The following ALMS1 variants were observed in gnomAD, a reference collection of about 807,000 sequenced individuals.
ALMS1 encodes the protein ALMS1 centrosome and basal body associated protein, also known as centrosome-associated protein ALMS1.
ALMS1 carries 271 observed loss-of-function variants against 352.2 expected under a neutral mutation model. That is an observed-to-expected ratio of 0.77 (90% CI 0.70 to 0.85). ALMS1 has a LOEUF of 0.85. Among genes scored for constraint, ALMS1 ranks in the 40% least tolerant of loss-of-function variants. The pLI is 0.00. For synonymous variants in ALMS1, 1,865 were observed against 1,761.2 expected (o/e 1.06, Z -1.48); for missense variants, 5,445 against 4,870.7 (o/e 1.12, Z -3.51).
chr2:73,504,864 A>C (rs148288798), intron 10 of ALMS1, among the ~76,000 whole-genome samples: 1 of 151,994 alleles, frequency 6.6e-6, no homozygotes, highest in East Asian at 1.9e-4. Flanking sequence ...ATTTCTCCTA[A>C]TGTTATCTCT....
Position 73,411,388 on chromosome 2 carries a change from C to T in ALMS1, c.450+2641C>T, listed in dbSNP as rs117867202. On this transcript the variant is annotated intron_variant, in intron 2 of 22. Transcript: ENST00000613296. ...TTCAGACTTCTGGCCTCCAGAACTGCGAGATAATAAATTTCTGTTGTTTTA... is the reference window on the plus strand; with the variant it reads ...TTCAGACTTCTGGCCTCCAGAACTGTGAGATAATAAATTTCTGTTGTTTTA... Among the ~76,000 whole-genome samples, 504 of 152,086 alleles carry T rather than the reference C, an allele frequency of 3.3e-3. 25 individuals carry two copies. In the East Asian group the frequency reaches 0.081, roughly 24 times the overall value.
At chr2:73,529,382 A>G (rs1264504008) in intron 11 of ALMS1, among the ~76,000 whole-genome samples, 1 of 152,194 alleles carries the variant, frequency 6.6e-6, no homozygotes, top group Non-Finnish European at 1.5e-5. Context: ...GAAAGGTTCC[A>G]CATCTCTGTT....
chr2:73,493,458 C>T (rs189008300), intron 10 of ALMS1, among the ~76,000 whole-genome samples: 1 of 151,844 alleles, frequency 6.6e-6, no homozygotes, highest in Admixed American at 6.6e-5. Flanking sequence ...TGCGGTGGCT[C>T]ACACCTGTAA....
chr2:73,545,980 G>A (rs1175059773), intron 12 of ALMS1, among the ~76,000 whole-genome samples: 1 of 152,084 alleles, frequency 6.6e-6, no homozygotes, highest in Non-Finnish European at 1.5e-5. Flanking sequence ...TGTCTTTTTG[G>A]TACAATATCA....
At chr2:73,552,973 A>G (rs975197401) in intron 13 of ALMS1, among the ~76,000 whole-genome samples, 5 of 152,210 alleles carry the variant, frequency 3.3e-5, no homozygotes, top group African/African-American at 1.2e-4. Context: ...TGTAAAGACA[A>G]TAGAGAAGGC....
intron 10 of ALMS1, among the ~76,000 whole-genome samples, chr2:73,516,657 A>C (rs1326232922): frequency 6.6e-6 from 1 of 152,230 alleles, no homozygotes; most frequent in African/African-American, 2.4e-5. Context: ...CTTTGCCCTC[A>C]CAACTTTAGA....
intron 10 of ALMS1, among the ~76,000 whole-genome samples, chr2:73,506,181 G>C (rs780287671): frequency 6.6e-6 from 1 of 152,118 alleles, no homozygotes; most frequent in Non-Finnish European, 1.5e-5. Context: ...TGCTGTTTTG[G>C]TTCCCGTAGC....
At chr2:73,502,289 T>C (rs146148320) in intron 10 of ALMS1, among the ~76,000 whole-genome samples, 15 of 152,262 alleles carry the variant, frequency 9.9e-5, no homozygotes, top group African/African-American at 3.4e-4. Context: ...CAAGAGTTTC[T>C]TCTTTAAATT....
At position 73,534,830 on chromosome 2, in the gene ALMS1, CT is replaced by C. The variant is rs1426356411; in HGVS notation, c.9791del (p.Leu3264TyrfsTer19). The C allele has an allele frequency of 6.2e-7, 1 of 1,613,306 alleles. No individual in the cohort carries two copies. The highest frequency in any genetic ancestry group is 8.5e-7 in the Non-Finnish European group (1 of 1,179,518). On this transcript the variant is annotated frameshift_variant, in exon 12 of 23. Transcript: ENST00000613296. LOFTEE classifies it high-confidence loss of function. ...CTGATTTTTACCTCCTTAGGCCAGC[CT>C]TTATTATTGCCATATAAGCCTTCTG... ...VTFSRGTDGQ[P>X]LLLPYKPSGS... is the part of the protein sequence containing the mutation.
rs766326705 is a variant in ALMS1, at chr2:73,452,018, T to G, written c.5491T>G (p.Leu1831Val). 1.9e-5 allele frequency: 31 copies of G among 1,613,690 alleles called. No individual in the cohort carries two copies. Among genetic ancestry groups the G allele is most frequent in the Non-Finnish European group, 2.6e-5 (31 of 1,179,782 alleles). ...TTTTACTGAAGCAGGTTTGAAAATT[T>G]TAAGAGTTCCTGGACCAGCTGACCA... The part of the protein sequence containing the change: ...PHFTEAGLKI[L>V]RVPGPADQKT... Residue 1831 changes from leucine to valine, a missense_variant, in exon 8 of 23, where the codon TTA becomes GTA. Physicochemically the swap from Leu to Val is conservative, Grantham distance 32 (BLOSUM62 1). Transcript: ENST00000613296.
At chr2:73,602,088 C>G in intron 19 of ALMS1, 97 bp from the exon 20 acceptor site, 1 of 1,302,754 alleles carries the variant, frequency 7.7e-7, no homozygotes, top group Non-Finnish European at 1.1e-6. Context: ...CAGACTTCCC[C>G]AAACCTCTTG....
At chr2:73,585,861 C>T (rs10170786) in intron 16 of ALMS1, among the ~76,000 whole-genome samples, 57,340 of 148,488 alleles carry the variant, frequency 0.39, 14,934 homozygotes, top group African/African-American at 0.74. Context: ...CTGGAGTAGC[C>T]GGGATTACAG....
At chr2:73,390,705 T>C (rs1005854946) in intron 1 of ALMS1, among the ~76,000 whole-genome samples, 2 of 152,162 alleles carry the variant, frequency 1.3e-5, no homozygotes, top group African/African-American at 2.4e-5. Context: ...TTCTCTGGGT[T>C]GGCATCACTA....
chr2:73,605,394 C>G (rs1363820639), intron 21 of ALMS1, among the ~76,000 whole-genome samples: 1 of 152,178 alleles, frequency 6.6e-6, no homozygotes, highest in African/African-American at 2.4e-5. Flanking sequence ...CTCCCTGGAC[C>G]AGGATTTTCC....
chr2:73,563,363 C>G (rs1214867015), intron 15 of ALMS1, among the ~76,000 whole-genome samples: 1 of 152,038 alleles, frequency 6.6e-6, no homozygotes, highest in East Asian at 1.9e-4. Context: ...AATAACTTAG[C>G]ATAAAAAATT....
Position 73,451,230 on chromosome 2 carries a change from C to A in ALMS1, c.4703C>A (p.Ser1568Tyr), listed in dbSNP as rs759841781. ...ACAACTGGCATACCAACCATAACCTCTACTTCCTACTCATTTGGAGAGAAG... is the reference window on the plus strand; with the variant it reads ...ACAACTGGCATACCAACCATAACCTATACTTCCTACTCATTTGGAGAGAAG... ...DQTTGIPTIT[S>Y]TSYSFGEKPI... Residue 1568 changes from serine to tyrosine, a missense_variant, in exon 8 of 23, where the codon TCT becomes TAT. Physicochemically the swap from Ser to Tyr is moderately radical, Grantham distance 144. Coordinates refer to ENST00000613296, the MANE Select transcript of ALMS1 (RefSeq NM_001378454.1). 1 of 1,613,992 alleles carries A rather than the reference C, an allele frequency of 6.2e-7. No individual in the cohort carries two copies. Among genetic ancestry groups the A allele is most frequent in the Non-Finnish European group, 8.5e-7 (1 of 1,179,970 alleles).
At chr2:73,541,978 A>G (rs1467468942) in intron 12 of ALMS1, among the ~76,000 whole-genome samples, 1 of 152,212 alleles carries the variant, frequency 6.6e-6, no homozygotes, top group Non-Finnish European at 1.5e-5. Context: ...AAACTATTCC[A>G]ATCAATAGAA....
At chr2:73,432,167 A>G (rs2103734196) in intron 6 of ALMS1, 31 bp from the exon 7 acceptor site, 1 of 1,551,726 alleles carries the variant, frequency 6.4e-7, no homozygotes, top group Non-Finnish European at 8.9e-7. Flanking sequence ...AGTCTTTTTC[A>G]TTTTTATTGC....
chr2:73,393,577 A>G (rs1214286346), intron 1 of ALMS1, among the ~76,000 whole-genome samples: 1 of 152,070 alleles, frequency 6.6e-6, no homozygotes, highest in Non-Finnish European at 1.5e-5. Flanking sequence ...CCACCCTTCC[A>G]AGATTCCACT....
Sources: allele counts gnomAD v4.1 joint callset (sites outside exome capture counted in the v4.1 genomes callset), GRCh38; gene constraint gnomAD v4.1.1; transcripts MANE v1.5; gene names NCBI Gene and HGNC (gene_info 2026-07-23, HGNC 2026-07-21).